The following CCDC92 variants were observed in gnomAD, a reference collection of about 807,000 sequenced individuals.
The protein encoded by CCDC92 is coiled-coil domain-containing protein 92.
In CCDC92, 12 loss-of-function variants were observed where a neutral mutation model predicts 24.9. That is an observed-to-expected ratio of 0.48 (90% CI 0.31 to 0.78). CCDC92 has a LOEUF of 0.78. CCDC92 is among the 30% of genes least tolerant of loss of function. The pLI is 0.05. For missense variants in CCDC92, 399 were observed against 439.4 expected (o/e 0.91, Z 0.82); for synonymous variants, 193 against 196.3 (o/e 0.98, Z 0.14).
rs1228462960 is a variant in CCDC92, at chr12:123,943,566, G to T, written c.35-73C>A. The T allele has an allele frequency of 5.2e-6, 8 of 1,543,072 alleles. No individual in the cohort carries two copies. The African/African-American group carries it at 1.1e-4, about 21-fold the overall frequency. On this transcript the variant is annotated intron_variant, in intron 2 of 4. Coordinates refer to ENST00000238156, the MANE Select transcript of CCDC92 (RefSeq NM_025140.3). ...GGCTGCCTGCCCTCCTTGGCTCTGG[G>T]TGCAGAGGGGTGTGCGCCTCCCAGG...
chr12:123,953,516 T>A (rs1488886333), intron 1 of CCDC92, among the ~76,000 whole-genome samples: 1 of 152,236 alleles, frequency 6.6e-6, no homozygotes, highest in Non-Finnish European at 1.5e-5. Flanking sequence ...CAGTGGCTCA[T>A]GCCTGTAATC....
At position 123,937,459 on chromosome 12, in the gene CCDC92, G is replaced by C; in HGVS notation, c.595C>G (p.Pro199Ala). Residue 199 changes from proline (P) to alanine (A), a missense_variant, in exon 5 of 5, where the codon CCC becomes GCC. Physicochemically the swap from Pro to Ala is conservative, Grantham distance 27. Coordinates refer to ENST00000238156, the MANE Select transcript of CCDC92 (RefSeq NM_025140.3). The surrounding 1 kb of genome is among the most constrained non-coding windows in gnomAD (Gnocchi z 8.4). ...TTCATGCGGCGGCGAGGCGTTTCGG[G>C]TAGCTTGTCTTTGGGGGGCGCTGGC... ...YKPAPPKDKL[P>A]ETPRRRMKKS... 6.2e-7 allele frequency: 1 copy of C among 1,613,418 alleles called. No homozygotes were observed. Among genetic ancestry groups the C allele is most frequent in the Non-Finnish European group, 8.5e-7 (1 of 1,180,008 alleles).
At chr12:123,944,542 A>G in intron 1 of CCDC92, 178 bp from the exon 2 acceptor site, 1 of 468,232 alleles carries the variant, frequency 2.1e-6, no homozygotes, top group South Asian at 4.3e-5. Flanking sequence ...TTTTGGAGAC[A>G]CTGACACACC....
At chr12:123,954,378 G>A (rs1347277627) in intron 1 of CCDC92, among the ~76,000 whole-genome samples, 1 of 152,106 alleles carries the variant, frequency 6.6e-6, no homozygotes, top group Admixed American at 6.5e-5. Context: ...AAGGCTCATC[G>A]ACAATTCTTT....
chr12:123,967,954 C>A (rs1366830510), intron 1 of CCDC92: 3 of 152,182 alleles, frequency 2.0e-5, no homozygotes, highest in Non-Finnish European at 4.4e-5. Flanking sequence ...GGATTTTATG[C>A]AGACCTAAAT....
At chr12:123,958,344 C>A (rs934214862) in intron 1 of CCDC92, among the ~76,000 whole-genome samples, 1 of 152,160 alleles carries the variant, frequency 6.6e-6, no homozygotes, top group East Asian at 1.9e-4. Flanking sequence ...TGAGCCACCA[C>A]GCCCGGCCAA....
rs1203447052 is a variant in CCDC92 at position 123,967,370 on chromosome 12, A to G, written c.-60+5159T>C. On this transcript the variant is annotated intron_variant, in intron 1 of 4. Transcript: ENST00000238156. ...TCTTATCTATGGGAACACAAAACTG[A>G]GCGAAAAACTCCAACCTTTCTCCAT... Among the ~76,000 whole-genome samples the G allele has an allele frequency of 2.6e-5, 4 of 152,188 alleles. No individual in the cohort carries two copies. In the East Asian group the frequency reaches 7.7e-4, roughly 29 times the overall value.
At chr12:123,968,286 G>A (rs1011069280) in intron 1 of CCDC92, 1 of 152,136 alleles carries the variant, frequency 6.6e-6, no homozygotes, top group Non-Finnish European at 1.5e-5. Flanking sequence ...TATTGATCTC[G>A]GTCGGCTCTC....
At chr12:123,943,599 A>G in intron 2 of CCDC92, 106 bp from the exon 3 acceptor site, 1 of 1,267,752 alleles carries the variant, frequency 7.9e-7, no homozygotes, top group Admixed American at 1.8e-5. Context: ...AGGAGAGAGC[A>G]GAAGGAAACC....
chr12:123,951,687 G>T (rs1030213475), intron 1 of CCDC92, among the ~76,000 whole-genome samples: 1 of 152,234 alleles, frequency 6.6e-6, no homozygotes. Context: ...CTCCACGTTT[G>T]TGCACAAGGA....
rs1332878253 is a variant in CCDC92 at position 123,942,748 on chromosome 12, C to T, written c.219G>A (p.Gln73=). The change falls in exon 4 of 5, where the codon CAG becomes CAA. Residue 73 remains glutamine, a synonymous_variant. Coordinates refer to ENST00000238156, the MANE Select transcript of CCDC92 (RefSeq NM_025140.3). ...CTTCTGGGGAGGAGTTCTTACCTGT[C>T]TGTTCCGAACTTTTGACTGTCAGCT... ...TYELTVKSSE[Q]TGDGTSKSSE... The T allele has an allele frequency of 6.2e-7, 1 of 1,610,046 alleles. No individual in the cohort carries two copies. Among genetic ancestry groups the T allele is most frequent in the East Asian group, 2.2e-5 (1 of 44,870 alleles).
At chr12:123,938,604 A>G (rs906188438) in intron 4 of CCDC92, among the ~76,000 whole-genome samples, 6 of 152,050 alleles carry the variant, frequency 3.9e-5, no homozygotes, top group African/African-American at 1.2e-4. Flanking sequence ...CTGGGTCACC[A>G]TCCTACTCCT....
Position 123,937,387 on chromosome 12 carries a change from T to C in CCDC92, c.667A>G (p.Arg223Gly), listed in dbSNP as rs201150051. 71 of 1,614,022 alleles carry C rather than the reference T, an allele frequency of 4.4e-5. No individual in the cohort carries two copies. The highest frequency in any genetic ancestry group is 2.5e-4 in the East Asian group (11 of 44,864). ...AGTTTCCTGCTCTCTGCCCCGAATCTGTAGACCTCTTCAAATTCCGGGTGC... is the reference window on the plus strand; with the variant it reads ...AGTTTCCTGCTCTCTGCCCCGAATCCGTAGACCTCTTCAAATTCCGGGTGC... ...PLHPEFEEVY[R>G]FGAESRKLLL... Residue 223 changes from arginine (R) to glycine (G), a missense_variant, in exon 5 of 5, where the codon AGA becomes GGA. Physicochemically the swap from Arg to Gly is moderately radical, Grantham distance 125. Transcript: ENST00000238156. The surrounding 1 kb of genome is among the most constrained non-coding windows in gnomAD (Gnocchi z 8.4).
intron 1 of CCDC92, chr12:123,956,456 A>T (rs1411338394): frequency 6.6e-6 from 1 of 152,208 alleles, no homozygotes; most frequent in East Asian, 1.9e-4. Flanking sequence ...TGCGTAGAAT[A>T]GGTGAGGCAC....
intron 1 of CCDC92, chr12:123,971,702 T>C (rs1172625299): frequency 6.6e-6 from 1 of 152,214 alleles, no homozygotes; most frequent in Non-Finnish European, 1.5e-5. Context: ...AATGAAACAA[T>C]ACAGGTCAGC....
At position 123,937,834 on chromosome 12, in the gene CCDC92, C is replaced by A. The variant is rs767039955; in HGVS notation, c.224-4G>T. On this transcript the variant is annotated splice_region_variant and splice_polypyrimidine_tract_variant and intron_variant, in intron 4 of 4. Coordinates refer to ENST00000238156, the MANE Select transcript of CCDC92 (RefSeq NM_025140.3). This position sits in a 1 kb window ranked among gnomAD's most constrained non-coding sequence, Gnocchi z 8.4. ...CTGCTTTTAGAAGTCCCGTCTCCTA[C>A]AAGAATAAGCCGAGGAAGCAGGTGA... is the stretch of plus-strand genomic sequence containing the variant. The A allele has an allele frequency of 6.3e-7, 1 of 1,598,770 alleles. No homozygotes were observed. The highest frequency in any genetic ancestry group is 1.7e-5 in the Admixed American group (1 of 58,868).
At chr12:123,954,565 C>T (rs549295991) in intron 1 of CCDC92, among the ~76,000 whole-genome samples, 25 of 152,270 alleles carry the variant, frequency 1.6e-4, no homozygotes, top group Non-Finnish European at 2.2e-4. Context: ...CTCTGCACTC[C>T]GATTATCTCA....
intron 1 of CCDC92, chr12:123,960,736 C>T (rs1956252890): frequency 6.6e-6 from 1 of 152,178 alleles, no homozygotes; most frequent in African/African-American, 2.4e-5. Flanking sequence ...ATTAAGCTAA[C>T]TTTATTAGAG....
intron 1 of CCDC92, chr12:123,960,845 C>T (rs1319607486): frequency 6.6e-6 from 1 of 152,212 alleles, no homozygotes; most frequent in African/African-American, 2.4e-5. Flanking sequence ...CTCTAATCAC[C>T]AGGACGTTAT....
Sources: allele counts gnomAD v4.1 joint callset (sites outside exome capture counted in the v4.1 genomes callset), GRCh38; gene constraint gnomAD v4.1.1; non-coding constraint Gnocchi (gnomAD v3.1); transcripts MANE v1.5; gene names NCBI Gene and HGNC (gene_info 2026-07-23, HGNC 2026-07-21).